ITGB3BP: variants seen among roughly 807,000 people sequenced by gnomAD.
ITGB3BP encodes centromere protein R.
Under a neutral mutation model 29.1 loss-of-function variants are expected in ITGB3BP, and 27 were observed. The ratio of observed to expected loss-of-function variants is 0.93; its 90% CI spans 0.68 to 1.28. The LOEUF (loss-of-function observed/expected upper bound fraction) is 1.28, where lower values mean the gene tolerates loss of function less well. Among genes scored for constraint, ITGB3BP ranks in the 50% most tolerant of loss-of-function variants. The probability of loss-of-function intolerance (pLI) is 0.00; values close to 1 mark genes in which losing one functional copy is unlikely to be tolerated. For missense variants in ITGB3BP, 192 were observed against 200.2 expected (o/e 0.96, Z 0.25); for synonymous variants, 61 against 61.4 (o/e 0.99, Z 0.03).
Position 63,514,944 on chromosome 1 carries a change from CAAA to C in ITGB3BP, c.6-6377_6-6375del, listed in dbSNP as rs55738892. On this transcript the variant is annotated intron_variant, in intron 1 of 8. Transcript: ENST00000271002. ...CTGGTGACAGAGCGAGACTCTGTCT[CAAA>C]AAAAAAAAAAAAAAAAAGAAAAACA... Among the ~76,000 whole-genome samples, 226 of 117,000 alleles carry C rather than the reference CAAA, an allele frequency of 1.9e-3. 1 individual carries two copies. The highest frequency in any genetic ancestry group is 6.4e-3 in the East Asian group (27 of 4,230). 76.8% of individuals were successfully genotyped at this position (117,000 alleles called of 152,430 possible).
upstream of ITGB3BP, chr1:63,525,486 C>T (rs895200446): frequency 1.3e-5 from 14 of 1,094,828 alleles, no homozygotes; most frequent in Non-Finnish European, 1.5e-5. Flanking sequence ...AATCTTGATT[C>T]TCCTCCCTGT....
chr1:63,471,827 C>T (rs1046181979), intron 4 of ITGB3BP, among the ~76,000 whole-genome samples: 4 of 152,014 alleles, frequency 2.6e-5, no homozygotes, highest in African/African-American at 4.8e-5. Flanking sequence ...CTCTGTCACC[C>T]AGGCTGGAGT....
chr1:63,463,137 T>C (rs1645043635), intron 4 of ITGB3BP, among the ~76,000 whole-genome samples: 1 of 149,906 alleles, frequency 6.7e-6, no homozygotes, highest in South Asian at 2.1e-4. Flanking sequence ...TAATCCCAGC[T>C]ATCTGGGAGG....
chr1:63,445,609 T>G (rs1374531858), intron 8 of ITGB3BP, among the ~76,000 whole-genome samples: 2 of 149,360 alleles, frequency 1.3e-5, no homozygotes, highest in African/African-American at 5.1e-5. Flanking sequence ...AATTCTTTTT[T>G]TTTTTTTTGG....
At chr1:63,500,273 A>G (rs9436680) in intron 2 of ITGB3BP, among the ~76,000 whole-genome samples, 148,875 of 152,238 alleles carry the variant, frequency 0.98, 72,892 homozygotes, top group Middle Eastern at 1. Flanking sequence ...AGGTACTTGG[A>G]AGGCCGAGGC....
chr1:63,445,013 G>A (rs1181660993), intron 8 of ITGB3BP, among the ~76,000 whole-genome samples: 4 of 152,128 alleles, frequency 2.6e-5, no homozygotes, highest in African/African-American at 7.2e-5. Context: ...GGCTGGGCAC[G>A]GTGGCTCATT....
At chr1:63,465,945 T>C (rs1645092478) in intron 4 of ITGB3BP, among the ~76,000 whole-genome samples, 1 of 152,170 alleles carries the variant, frequency 6.6e-6, no homozygotes, top group Admixed American at 6.5e-5. Flanking sequence ...TTATGACTTT[T>C]CTCTGTAGCC....
At chr1:63,469,874 T>C (rs1256808539) in intron 4 of ITGB3BP, among the ~76,000 whole-genome samples, 1 of 152,194 alleles carries the variant, frequency 6.6e-6, no homozygotes, top group Non-Finnish European at 1.5e-5. Flanking sequence ...CACTGTGACA[T>C]GTTCATGATG....
intron 4 of ITGB3BP, among the ~76,000 whole-genome samples, chr1:63,469,410 T>C (rs933890650): frequency 6.6e-6 from 1 of 151,736 alleles, no homozygotes; most frequent in Non-Finnish European, 1.5e-5. Context: ...CACCACAACC[T>C]CTGCCTCCCG....
chr1:63,519,497 A>G (rs1646404062), intron 1 of ITGB3BP, among the ~76,000 whole-genome samples: 2 of 152,112 alleles, frequency 1.3e-5, no homozygotes, highest in Admixed American at 6.5e-5. Flanking sequence ...ACCTTCCTCT[A>G]TTAGACTTTA....
chr1:63,463,306 G>C (rs545023674), intron 4 of ITGB3BP, among the ~76,000 whole-genome samples: 8 of 150,320 alleles, frequency 5.3e-5, no homozygotes, highest in African/African-American at 2.0e-4. Flanking sequence ...CGCGGTGATG[G>C]AACTGTTCTG....
intron 4 of ITGB3BP, among the ~76,000 whole-genome samples, chr1:63,456,006 A>C (rs910025829): frequency 6.6e-6 from 1 of 152,152 alleles, no homozygotes; most frequent in Non-Finnish European, 1.5e-5. Context: ...TTAACAGCAC[A>C]TCTCATTTCA....
At chr1:63,515,764 T>C (rs1475122134) in intron 1 of ITGB3BP, among the ~76,000 whole-genome samples, 2 of 135,630 alleles carry the variant, frequency 1.5e-5, no homozygotes, top group Non-Finnish European at 1.5e-5. Flanking sequence ...AGGCGGAGGT[T>C]GCAGTGAGCC....
At chr1:63,448,485 A>T (rs1443419274) in intron 7 of ITGB3BP, among the ~76,000 whole-genome samples, 1 of 152,100 alleles carries the variant, frequency 6.6e-6, no homozygotes, top group African/African-American at 2.4e-5. Context: ...AACTGGAGGA[A>T]AAATCACCTA....
In ITGB3BP at chr1:63,441,506, G is replaced by A. The variant is rs144178116; in HGVS notation, c.*2-403C>T. On this transcript the variant is annotated intron_variant, in intron 8 of 8. Coordinates refer to ENST00000271002, the MANE Select transcript of ITGB3BP (RefSeq NM_014288.5). ...CCACCTCGGCCTCCCAGAGTGCTGC[G>A]ATTACAGGCATGAGCCACTGTGCCC... 8.0e-3 allele frequency among the ~76,000 whole-genome samples: 1,223 copies of A among 152,252 alleles called. 13 individuals are homozygous for A. The highest frequency in any genetic ancestry group is 0.026 in the African/African-American group (1,086 of 41,562).
intron 3 of ITGB3BP, among the ~76,000 whole-genome samples, chr1:63,481,799 G>A (rs1475171587): frequency 6.6e-6 from 1 of 152,148 alleles, no homozygotes. Context: ...TGTTACATAT[G>A]ATATCTAATT....
intron 1 of ITGB3BP, 161 bp downstream of exon 1, chr1:63,522,968 T>C (rs762602639): frequency 3.6e-6 from 3 of 831,180 alleles, no homozygotes; most frequent in African/African-American, 3.3e-5. Flanking sequence ...GGAGGAGACG[T>C]AGAGTTGAGG....
chr1:63,496,915 T>C (rs939758899), intron 2 of ITGB3BP, among the ~76,000 whole-genome samples: 3 of 152,220 alleles, frequency 2.0e-5, no homozygotes, highest in African/African-American at 4.8e-5. Context: ...TGAAGTTGTC[T>C]ACATATGCAA....
At chr1:63,443,324 G>A (rs1644752331) in intron 8 of ITGB3BP, 3 of 152,318 alleles carry the variant, frequency 2.0e-5, no homozygotes, top group South Asian at 2.1e-4. Flanking sequence ...GGAAGCTTAT[G>A]CAGAAGATGA....
Sources: allele counts gnomAD v4.1 joint callset (sites outside exome capture counted in the v4.1 genomes callset), GRCh38; gene constraint gnomAD v4.1.1; transcripts MANE v1.5; gene names NCBI Gene and HGNC (gene_info 2026-07-23, HGNC 2026-07-21).